Variants in SMARCA4 observed in about 807,000 individuals in gnomAD.
SMARCA4 encodes SWI/SNF-related matrix-associated actin-dependent regulator of chromatin subfamily A member 4.
In SMARCA4, 31 loss-of-function variants were observed where a neutral mutation model predicts 193.9. The ratio of observed to expected loss-of-function variants is 0.16; its 90% CI spans 0.12 to 0.22. SMARCA4 has a LOEUF of 0.22. Among genes scored for constraint, SMARCA4 ranks in the 10% least tolerant of loss-of-function variants. The probability of loss-of-function intolerance (pLI) is 1.00; values close to 1 mark genes in which losing one functional copy is unlikely to be tolerated. For synonymous variants in SMARCA4, 942 were observed against 933.1 expected (o/e 1.01, Z -0.17); for missense variants, 1,148 against 2,296.0 (o/e 0.50, Z 10.22).
intron 9 of SMARCA4, chr19:10,995,926 G>T (rs1228873743): frequency 4.1e-6 from 2 of 491,544 alleles, no homozygotes; most frequent in Admixed American, 5.9e-5. Flanking sequence ...GAAGGCTTCG[G>T]GTTTGGGGTG....
At chr19:10,963,230 G>A (rs1048750680) in intron 1 of SMARCA4, among the ~76,000 whole-genome samples, 1 of 151,744 alleles carries the variant, frequency 6.6e-6, no homozygotes, top group African/African-American at 2.4e-5. Flanking sequence ...AAAATTAGCC[G>A]AGTGTGGTGG....
At chr19:10,974,379 TTCTC>T (rs897392207) in intron 1 of SMARCA4, among the ~76,000 whole-genome samples, 16 of 151,928 alleles carry the variant, frequency 1.1e-4, no homozygotes, top group African/African-American at 3.9e-4. Context: ...CCTTTGATCT[TTCTC>T]TTTTATTTCC....
intron 15 of SMARCA4, chr19:11,011,031 G>A (rs531580458): frequency 4.2e-6 from 1 of 238,520 alleles, no homozygotes; most frequent in South Asian, 5.8e-5. Context: ...GAGGTAGCAG[G>A]TCCTGTGTGA....
Position 10,996,383 on chromosome 19 carries a change from G to A in SMARCA4, c.1761+3G>A, listed in dbSNP as rs2087043325. ...AAAAGAAGAAAAAGAAAAAGAAGGTGTGCTGGGCCTGGCATGGTGCCCGCC... is the reference window on the plus strand; with the variant it reads ...AAAAGAAGAAAAAGAAAAAGAAGGTATGCTGGGCCTGGCATGGTGCCCGCC... On this transcript the variant is annotated splice_donor_region_variant and intron_variant, in intron 10 of 34. Coordinates refer to ENST00000344626, the MANE Select transcript of SMARCA4 (RefSeq NM_003072.5). 1.2e-6 allele frequency: 2 copies of A among 1,614,220 alleles called. No homozygotes were observed. Among genetic ancestry groups the A allele is most frequent in the East Asian group, 2.2e-5 (1 of 44,880 alleles).
chr19:11,004,988 A>G (rs2014072636), intron 13 of SMARCA4, among the ~76,000 whole-genome samples: 1 of 152,016 alleles, frequency 6.6e-6, no homozygotes, highest in African/African-American at 2.4e-5. Flanking sequence ...CATGCCACCA[A>G]ACCCGGCTAA....
intron 15 of SMARCA4, chr19:11,011,268 A>T (rs1181229618): frequency 6.6e-6 from 1 of 152,630 alleles, no homozygotes; most frequent in African/African-American, 2.4e-5. Context: ...TCTGTTGCCC[A>T]GGCTGGAGTG....
intron 15 of SMARCA4, chr19:11,012,531 T>C (rs772656649): frequency 5.1e-5 from 14 of 277,028 alleles, no homozygotes; most frequent in Non-Finnish European, 9.3e-5. Flanking sequence ...CCTCTCTTAA[T>C]CTTGAAATGA....
At chr19:11,027,683 C>T (rs2090360974) in intron 23 of SMARCA4, 101 bp from the exon 24 acceptor site, 15 of 1,300,242 alleles carry the variant, frequency 1.2e-5, no homozygotes, top group Admixed American at 6.8e-5. Context: ...TTGAACCCGG[C>T]GCCTGGCCTG....
intron 30 of SMARCA4, among the ~76,000 whole-genome samples, chr19:11,049,672 C>T (rs2076149880): frequency 6.6e-6 from 1 of 152,110 alleles, no homozygotes; most frequent in South Asian, 2.1e-4. Context: ...AGGGGGCACA[C>T]CCTTGGTGTG....
chr19:10,964,039 T>C lies in SMARCA4; in HGVS notation c.-32+2865T>C, dbSNP rs544773059. Among the ~76,000 whole-genome samples the C allele has an allele frequency of 8.7e-4, 132 of 152,302 alleles. 1 individual carries two copies. In the South Asian group the frequency reaches 0.018, roughly 21 times the overall value. ...TGTCCAGCCCTTTAGGAGACGTAAATGTTGATCGTGCAGGCTTTTGAGCAG... is the reference window on the plus strand; with the variant it reads ...TGTCCAGCCCTTTAGGAGACGTAAACGTTGATCGTGCAGGCTTTTGAGCAG... On this transcript the variant is annotated intron_variant, in intron 1 of 34. Transcript: ENST00000344626.
intron 29 of SMARCA4, among the ~76,000 whole-genome samples, chr19:11,036,904 C>T (rs973180120): frequency 1.3e-5 from 2 of 152,178 alleles, no homozygotes; most frequent in African/African-American, 4.8e-5. Context: ...GCGTGGGATG[C>T]TTTGGTGTCA....
intron 1 of SMARCA4, among the ~76,000 whole-genome samples, chr19:10,979,874 G>A (rs1300972303): frequency 3.3e-5 from 5 of 152,270 alleles, no homozygotes; most frequent in East Asian, 3.9e-4. Flanking sequence ...CTTCTGGAAC[G>A]TCAGGAGGGA....
chr19:11,041,047 TG>T lies in SMARCA4; in HGVS notation c.4171-258del, dbSNP rs1269295656. 2 of 515,886 alleles carry T rather than the reference TG, an allele frequency of 3.9e-6. No homozygotes were observed. Among genetic ancestry groups the T allele is most frequent in the South Asian group, 5.8e-5 (2 of 34,332 alleles). 32.0% of individuals were successfully genotyped at this position (515,886 alleles called of 1,614,324 possible). ...TACAGAGAAGATAGTTCTTTTTTTT[TG>T]GTCAAGAAATTCAACCATTAGTTTT... is the stretch of plus-strand genomic sequence containing the variant. On this transcript the variant is annotated intron_variant, in intron 29 of 34. Coordinates refer to ENST00000344626, the MANE Select transcript of SMARCA4 (RefSeq NM_003072.5). The surrounding 1 kb of genome is among the most constrained non-coding windows in gnomAD (Gnocchi z 5.6).
At chr19:11,045,243 C>G (rs552251462) in intron 30 of SMARCA4, among the ~76,000 whole-genome samples, 2 of 152,212 alleles carry the variant, frequency 1.3e-5, no homozygotes, top group South Asian at 4.1e-4. Flanking sequence ...TGGCATGAAC[C>G]CAGGAGGCGG....
At position 11,029,625 on chromosome 19, in the gene SMARCA4, G is replaced by A. The variant is rs553299886; in HGVS notation, c.3383-1105G>A. On this transcript the variant is annotated intron_variant, in intron 24 of 34. Transcript: ENST00000344626. ...GATGGCCAGGCTACTGTGGGCTTCT[G>A]CACCGTGCCTGGGCATGTGTAGGCT... Among the ~76,000 whole-genome samples, 3 of 152,360 alleles carry A rather than the reference G, an allele frequency of 2.0e-5. No homozygotes were observed. In the South Asian group the frequency reaches 6.2e-4, roughly 32 times the overall value.
chr19:11,012,710 C>T (rs938441615), intron 15 of SMARCA4: 8 of 562,710 alleles, frequency 1.4e-5, no homozygotes, highest in Non-Finnish European at 2.3e-5. Flanking sequence ...AGAAATGTCA[C>T]ACGTGTCCAT....
At position 11,046,948 on chromosome 19, in the gene SMARCA4, CAAAAAAA is replaced by C. The variant is rs35450843; in HGVS notation, c.4424+5401_4424+5407del. On this transcript the variant is annotated intron_variant, in intron 30 of 34. Transcript: ENST00000344626. ...GGGTGACAGAGGTGAGACCCTGTTG[CAAAAAAA>C]AAAAAAAAAAAAGCAAAAGAAAAGC... is the stretch of plus-strand genomic sequence containing the variant. Among the ~76,000 whole-genome samples the C allele has an allele frequency of 1.3e-3, 118 of 91,846 alleles. No homozygotes were observed. The Middle Eastern group carries it at 0.015, about 12-fold the overall frequency. 60.3% of individuals were successfully genotyped at this position (91,846 alleles called of 152,430 possible).
chr19:11,021,675 C>G (rs1355799432), intron 18 of SMARCA4, 50 bp from the exon 19 acceptor site: 1 of 1,566,630 alleles, frequency 6.4e-7, no homozygotes, highest in South Asian at 1.2e-5. Context: ...TCCCCATGTG[C>G]CGGGCCACCT....
chr19:11,062,128 C>G lies in SMARCA4; in HGVS notation c.*312C>G. The G allele has an allele frequency of 2.0e-6, 1 of 490,038 alleles. No individual in the cohort carries two copies. The highest frequency in any genetic ancestry group is 2.2e-5 in the South Asian group (1 of 46,458). 30.4% of individuals were successfully genotyped at this position (490,038 alleles called of 1,614,324 possible). On this transcript the variant is annotated 3_prime_UTR_variant, in exon 35 of 35. Coordinates refer to ENST00000344626, the MANE Select transcript of SMARCA4 (RefSeq NM_003072.5). ...GTACTGTTGCGCCGCAGTTTGGAGT[C>G]ACTGTAGTTAAGTGTGGATGCATGT... is the stretch of plus-strand genomic sequence containing the variant.
Sources: allele counts gnomAD v4.1 joint callset (sites outside exome capture counted in the v4.1 genomes callset), GRCh38; gene constraint gnomAD v4.1.1; non-coding constraint Gnocchi (gnomAD v3.1); transcripts MANE v1.5; gene names NCBI Gene and HGNC (gene_info 2026-07-23, HGNC 2026-07-21).